KCNQ1: variants seen among roughly 807,000 people sequenced by gnomAD.
KCNQ1 encodes potassium voltage-gated channel subfamily Q member 1, also known as potassium voltage-gated channel subfamily KQT member 1.
A neutral mutation model predicts 72.4 loss-of-function variants in KCNQ1; 49 were observed. The observed-to-expected ratio is 0.68, with a 90% CI of 0.54 to 0.86. The LOEUF (loss-of-function observed/expected upper bound fraction) is 0.86. Among genes scored for constraint, KCNQ1 ranks in the 40% least tolerant of loss-of-function variants. The probability of loss-of-function intolerance (pLI) is 0.00; values close to 1 mark genes in which losing one functional copy is unlikely to be tolerated. For missense variants in KCNQ1, 790 were observed against 945.1 expected, an observed-to-expected ratio of 0.84 and a Z score of 2.15; for synonymous variants, 450 against 412.6, an observed-to-expected ratio of 1.09 and a Z score of -1.10.
intron 15 of KCNQ1, among the ~76,000 whole-genome samples, chr11:2,812,142 G>A (rs1249252617): frequency 6.6e-6 from 1 of 152,200 alleles, no homozygotes; most frequent in Non-Finnish European, 1.5e-5. Context: ...CTTTGGCCAT[G>A]CACTCCCAGA....
chr11:2,555,471 G>A (rs921432600), intron 2 of KCNQ1, among the ~76,000 whole-genome samples: 8 of 152,224 alleles, frequency 5.3e-5, no homozygotes, highest in African/African-American at 1.9e-4. Flanking sequence ...CTTTAAATAC[G>A]TGTAAAGCTG....
Position 2,711,932 on chromosome 11 carries a change from C to G in KCNQ1, c.1514+49851C>G, listed in dbSNP as rs907935727. Among the ~76,000 whole-genome samples, 2 of 152,080 alleles carry G rather than the reference C, an allele frequency of 1.3e-5. No homozygotes were observed. The highest frequency in any genetic ancestry group is 2.4e-5 in the African/African-American group (1 of 41,404). ...GGTGGCAGGTGGCTGGGGCTGCTCA[C>G]CTGCTCACCTGTGTCCATCCCCTTG... On this transcript the variant is annotated intron_variant, in intron 11 of 15. Transcript: ENST00000155840. This position sits in a 1 kb window ranked among gnomAD's most constrained non-coding sequence, Gnocchi z 5.4.
chr11:2,778,898 A>G (rs1846766446), intron 15 of KCNQ1, among the ~76,000 whole-genome samples: 1 of 151,502 alleles, frequency 6.6e-6, no homozygotes, highest in Admixed American at 6.6e-5. Context: ...AGCCCGGCCC[A>G]GGCTCCTGCT....
rs887845988 is a variant in KCNQ1, at chr11:2,695,469, C to T, written c.1514+33388C>T. The T allele has an allele frequency of 2.5e-5, 10 of 398,532 alleles. No individual in the cohort carries two copies. Among genetic ancestry groups the T allele is most frequent in the Admixed American group, 1.3e-4 (3 of 22,714 alleles). 24.7% of individuals were successfully genotyped at this position (398,532 alleles called of 1,614,324 possible). On this transcript the variant is annotated intron_variant, in intron 11 of 15. Transcript: ENST00000155840. The surrounding 1 kb of genome is among the most constrained non-coding windows in gnomAD (Gnocchi z 5.2). Reference sequence around the variant, plus strand: ...TGTCACTCAGCACTGTGTTTCCACGCGTCTCTATCTTGTGAAGTGTACATC... The same window carrying T: ...TGTCACTCAGCACTGTGTTTCCACGTGTCTCTATCTTGTGAAGTGTACATC...
chr11:2,575,402 C>T (rs1848408215), intron 6 of KCNQ1, among the ~76,000 whole-genome samples: 1 of 152,168 alleles, frequency 6.6e-6, no homozygotes, highest in Non-Finnish European at 1.5e-5. Context: ...GCAAACAGCT[C>T]CCATTCAGCT....
At chr11:2,577,761 C>T (rs1237382396) in intron 6 of KCNQ1, among the ~76,000 whole-genome samples, 2 of 152,140 alleles carry the variant, frequency 1.3e-5, no homozygotes, top group Non-Finnish European at 2.9e-5. Context: ...GTCTCCAGGG[C>T]GGCCCCACGG....
rs1848844072 is a variant in KCNQ1 at position 2,603,990 on chromosome 11, C to T, written c.1393+15136C>T. On this transcript the variant is annotated intron_variant, in intron 10 of 15. Coordinates refer to ENST00000155840, the MANE Select transcript of KCNQ1 (RefSeq NM_000218.3). This position sits in a 1 kb window ranked among gnomAD's most constrained non-coding sequence, Gnocchi z 4.1. Reference sequence around the variant, plus strand: ...ACAGGCGTGAGCCACTGCACCCGGCCCTTGTGCTTCATTCTTTTATGAATG... The same window carrying T: ...ACAGGCGTGAGCCACTGCACCCGGCTCTTGTGCTTCATTCTTTTATGAATG... Among the ~76,000 whole-genome samples, 1 of 152,060 alleles carries T rather than the reference C, an allele frequency of 6.6e-6. No homozygotes were observed. Among genetic ancestry groups the T allele is most frequent in the East Asian group, 1.9e-4 (1 of 5,176 alleles).
intron 10 of KCNQ1, chr11:2,650,690 A>G (rs964440813): frequency 2.5e-6 from 1 of 398,604 alleles, no homozygotes; most frequent in Non-Finnish European, 4.4e-6. Context: ...CTGATTCTGT[A>G]TGCAGTTTTG....
intron 1 of KCNQ1, among the ~76,000 whole-genome samples, chr11:2,499,607 T>C (rs1846977414): frequency 6.7e-6 from 1 of 149,504 alleles, no homozygotes; most frequent in Non-Finnish European, 1.5e-5. Context: ...GACTGAAAAT[T>C]AAGGGCTTGA....
Position 2,563,216 on chromosome 11 carries a change from C to T in KCNQ1, c.478-7412C>T, listed in dbSNP as rs1432182089. Among the ~76,000 whole-genome samples the T allele has an allele frequency of 5.9e-5, 9 of 152,118 alleles. No individual in the cohort carries two copies. Among genetic ancestry groups the T allele is most frequent in the East Asian group, 1.9e-4 (1 of 5,198 alleles). ...AATCTTCGCTATGTTGGAGATTCGC[C>T]GGCTGATAAAAGCAAAACAATAGAT... On this transcript the variant is annotated intron_variant, in intron 2 of 15. Coordinates refer to ENST00000155840, the MANE Select transcript of KCNQ1 (RefSeq NM_000218.3). The surrounding 1 kb of genome is among the most constrained non-coding windows in gnomAD (Gnocchi z 7.4).
At chr11:2,835,450 C>G (rs1296408961) in intron 15 of KCNQ1, among the ~76,000 whole-genome samples, 1 of 152,176 alleles carries the variant, frequency 6.6e-6, no homozygotes, top group Non-Finnish European at 1.5e-5. Flanking sequence ...GGCCAGGCTC[C>G]TCGGCCAGTC....
chr11:2,483,378 C>T lies in KCNQ1; in HGVS notation c.386+37894C>T, dbSNP rs1038660689. 1.2e-4 allele frequency among the ~76,000 whole-genome samples: 18 copies of T among 152,166 alleles called. No individual in the cohort carries two copies. Among genetic ancestry groups the T allele is most frequent in the Admixed American group, 2.6e-4 (4 of 15,288 alleles). ...ACAGTACTGAGAGTTCCTGTGGACTCCTAGTATTAACATCTTAATAACGGG... is the reference window on the plus strand; with the variant it reads ...ACAGTACTGAGAGTTCCTGTGGACTTCTAGTATTAACATCTTAATAACGGG... On this transcript the variant is annotated intron_variant, in intron 1 of 15. Transcript: ENST00000155840. This position sits in a 1 kb window ranked among gnomAD's most constrained non-coding sequence, Gnocchi z 6.1.
chr11:2,709,620 T>C (rs1850972958), intron 11 of KCNQ1, among the ~76,000 whole-genome samples: 1 of 152,026 alleles, frequency 6.6e-6, no homozygotes, highest in Non-Finnish European at 1.5e-5. Flanking sequence ...CTGCATTCTT[T>C]AGCCGTCACT....
intron 10 of KCNQ1, chr11:2,628,791 C>G (rs79848425): frequency 0.013 from 5,109 of 398,338 alleles, 155 homozygotes; most frequent in East Asian, 0.079. Context: ...TCACTTTTCT[C>G]TACAGTGTAG....
intron 2 of KCNQ1, among the ~76,000 whole-genome samples, chr11:2,542,769 AATTC>A (rs1461535574): frequency 2.6e-5 from 4 of 152,108 alleles, no homozygotes; most frequent in African/African-American, 7.2e-5. Context: ...GGCATGTAAT[AATTC>A]ATTCCTTTTT....
chr11:2,656,983 T>C (rs1849861685), intron 10 of KCNQ1: 1 of 398,624 alleles, frequency 2.5e-6, no homozygotes, highest in Middle Eastern at 6.3e-4. Flanking sequence ...GAAAAGTCCA[T>C]GCTCTTCCCA....
chr11:2,835,394 GACTCACACAC>G (rs57457303), intron 15 of KCNQ1, among the ~76,000 whole-genome samples: 47,735 of 124,884 alleles, frequency 0.38, 7,790 homozygotes, highest in South Asian at 0.49. Context: ...TATAAACCCT[GACTCACACAC>G]ACACACACAC....
At chr11:2,616,739 G>T in intron 10 of KCNQ1, 1 of 398,136 alleles carries the variant, frequency 2.5e-6, no homozygotes, top group South Asian at 1.3e-4. Context: ...CTATATTGTA[G>T]TTAGAGAAGA....
At position 2,554,094 on chromosome 11, in the gene KCNQ1, G is replaced by A. The variant is rs369966514; in HGVS notation, c.478-16534G>A. Among the ~76,000 whole-genome samples, 125 of 152,278 alleles carry A rather than the reference G, an allele frequency of 8.2e-4. 1 individual carries two copies. Among genetic ancestry groups the A allele is most frequent in the Non-Finnish European group, 6.0e-4 (41 of 68,026 alleles). ...GTAGAACTTCCACGCCCACGCTCAC[G>A]AGGGCGTCACCTGCCATGTGTTGGC... On this transcript the variant is annotated intron_variant, in intron 2 of 15. Transcript: ENST00000155840.
Sources: allele counts gnomAD v4.1 joint callset (sites outside exome capture counted in the v4.1 genomes callset), GRCh38; gene constraint gnomAD v4.1.1; non-coding constraint Gnocchi (gnomAD v3.1); transcripts MANE v1.5; gene names NCBI Gene and HGNC (gene_info 2026-07-23, HGNC 2026-07-21).